PGR: variants seen among roughly 807,000 people sequenced by gnomAD.
PGR encodes nuclear receptor subfamily 3 group C member 3.
PGR carries 25 observed loss-of-function variants against 76.1 expected under a neutral mutation model. The observed-to-expected ratio is 0.33, with a 90% CI of 0.24 to 0.46. The LOEUF is 0.46. Ranked by LOEUF, PGR falls within the 20% of genes least tolerant of loss-of-function variation. The probability of loss-of-function intolerance (pLI) is 1.00; values close to 1 mark genes in which losing one functional copy is unlikely to be tolerated. For synonymous variants in PGR, 579 were observed against 535.0 expected (o/e 1.08, Z -1.14); for missense variants, 1,172 against 1,225.3 (o/e 0.96, Z 0.65).
In PGR at chr11:101,033,880, T is replaced by C. The variant is rs1326022550; in HGVS notation, c.*5236A>G. Reference sequence around the variant, plus strand: ...TTTAGAATAATTTATATCTGATAAATTGAATACATCAGGATTTGATGTATT... The same window carrying C: ...TTTAGAATAATTTATATCTGATAAACTGAATACATCAGGATTTGATGTATT... On this transcript the variant is annotated 3_prime_UTR_variant, in exon 8 of 8. Coordinates refer to ENST00000325455, the MANE Select transcript of PGR (RefSeq NM_000926.4). 4.7e-6 allele frequency: 1 copy of C among 213,682 alleles called. No individual in the cohort carries two copies. The highest frequency in any genetic ancestry group is 2.3e-5 in the African/African-American group (1 of 44,382). The allele number at this position is 213,682 out of a possible 1,614,324, so 13.2% of individuals were successfully genotyped here. A position where few individuals can be genotyped will look rare whatever the true frequency, so the allele number is the denominator to read the frequency against.
intron 3 of PGR, among the ~76,000 whole-genome samples, chr11:101,083,236 A>T (rs1332975951): frequency 6.6e-6 from 1 of 152,226 alleles, no homozygotes; most frequent in Non-Finnish European, 1.5e-5. Context: ...AGAAGGCAAG[A>T]GTTGAGGTTT....
intron 3 of PGR, among the ~76,000 whole-genome samples, chr11:101,081,859 C>T (rs529785726): frequency 6.6e-6 from 1 of 152,268 alleles, no homozygotes; most frequent in Non-Finnish European, 1.5e-5. Flanking sequence ...ATAGAAACAA[C>T]AAAGCAAACA....
chr11:101,062,731 T>C lies in PGR; in HGVS notation c.1928A>G (p.Asn643Ser), dbSNP rs1565339096. 3.1e-6 allele frequency: 5 copies of C among 1,612,162 alleles called. No individual in the cohort carries two copies. Among genetic ancestry groups the C allele is most frequent in the Non-Finnish European group, 3.4e-6 (4 of 1,179,536 alleles). Reference sequence around the variant, plus strand: ...CAGTGCTCTCACAACTCTGACTTTATTGAACTTTTTAAATTTTCGACCTAC... The same window carrying C: ...CAGTGCTCTCACAACTCTGACTTTACTGAACTTTTTAAATTTTCGACCTAC... ...VLGGRKFKKFNKVRVVRALDA... is the reference protein window; with the variant it reads ...VLGGRKFKKFSKVRVVRALDA... Residue 643 changes from asparagine (N) to serine (S), a missense_variant, in exon 4 of 8, where the codon AAT becomes AGT. Transcript: ENST00000325455.
intron 6 of PGR, among the ~76,000 whole-genome samples, chr11:101,042,594 T>A (rs531771960): frequency 1.3e-5 from 2 of 152,288 alleles, no homozygotes; most frequent in South Asian, 2.1e-4. Flanking sequence ...GTTGTAATTT[T>A]AAAAATTGCT....
At chr11:101,040,366 C>T (rs961176305) in intron 7 of PGR, among the ~76,000 whole-genome samples, 10 of 151,984 alleles carry the variant, frequency 6.6e-5, no homozygotes, top group African/African-American at 2.4e-4. Flanking sequence ...CACTTTGCAT[C>T]TCTGTTGGGG....
intron 2 of PGR, among the ~76,000 whole-genome samples, chr11:101,095,530 C>T (rs1445887139): frequency 2.6e-5 from 4 of 152,198 alleles, no homozygotes; most frequent in Non-Finnish European, 5.9e-5. Context: ...ACAGAGTTAA[C>T]TGAGGCATCT....
chr11:101,110,815 G>T (rs927827286), intron 2 of PGR, among the ~76,000 whole-genome samples: 9 of 152,222 alleles, frequency 5.9e-5, no homozygotes, highest in East Asian at 3.9e-4. Context: ...CTTATTTAAA[G>T]AAATTGCCAC....
At chr11:101,110,600 C>T (rs58018759) in intron 2 of PGR, among the ~76,000 whole-genome samples, 3,074 of 152,200 alleles carry the variant, frequency 0.02, 82 homozygotes, top group African/African-American at 0.057. Flanking sequence ...CTGGTGAAGA[C>T]GCTGTGAGCA....
chr11:101,077,615 T>C (rs1404986019), intron 3 of PGR, among the ~76,000 whole-genome samples: 1 of 152,170 alleles, frequency 6.6e-6, no homozygotes, highest in Non-Finnish European at 1.5e-5. Context: ...ACTGAAAAGT[T>C]CTAGTTGGCA....
At chr11:101,123,873 C>A (rs1336914823) in intron 2 of PGR, among the ~76,000 whole-genome samples, 1 of 152,186 alleles carries the variant, frequency 6.6e-6, no homozygotes, top group Non-Finnish European at 1.5e-5. Flanking sequence ...AACTATATTA[C>A]AAGTTCCTTG....
Position 101,127,851 on chromosome 11 carries a change from G to C in PGR, c.1220C>G (p.Ala407Gly), listed in dbSNP as rs1862920900. Residue 407 changes from alanine to glycine, a missense_variant, in exon 1 of 8, where the codon GCC (alanine) becomes GGC (glycine). Transcript: ENST00000325455. ...SARSPRSYLV[A>G]GANPAAFPDF... Reference sequence around the variant, plus strand: ...CGGGAAGGCTGCGGGGTTGGCACCGGCCACAAGGTAGGAACGCGGGGAGCG... The same window carrying C: ...CGGGAAGGCTGCGGGGTTGGCACCGCCCACAAGGTAGGAACGCGGGGAGCG... 2 of 1,591,790 alleles carry C rather than the reference G, an allele frequency of 1.3e-6. No individual in the cohort carries two copies. The highest frequency in any genetic ancestry group is 1.3e-5 in the African/African-American group (1 of 74,728).
chr11:101,123,358 C>T (rs1053082972), intron 2 of PGR, among the ~76,000 whole-genome samples: 4 of 152,166 alleles, frequency 2.6e-5, no homozygotes, highest in Admixed American at 6.5e-5. Context: ...CCACACACAG[C>T]GCCACCTTGA....
chr11:101,099,584 A>G (rs1861935465), intron 2 of PGR, among the ~76,000 whole-genome samples: 3 of 152,204 alleles, frequency 2.0e-5, no homozygotes, highest in Non-Finnish European at 1.5e-5. Flanking sequence ...AGCTAAGAGG[A>G]CAACCTAGAG....
Position 101,107,445 on chromosome 11 carries a change from T to C in PGR, c.1790-15569A>G, listed in dbSNP as rs188136234. On this transcript the variant is annotated intron_variant, in intron 2 of 7. Coordinates refer to ENST00000325455, the MANE Select transcript of PGR (RefSeq NM_000926.4). ...ATTGTATGAAGTACTTAGTTATAAT[T>C]GACATCCATAATAACATAGTTAGCT... Among the ~76,000 whole-genome samples, 16 of 152,292 alleles carry C rather than the reference T, an allele frequency of 1.1e-4. No homozygotes were observed. The East Asian group carries it at 2.7e-3, about 26-fold the overall frequency.
rs942057693 is a variant in PGR, at chr11:101,039,034, T to C, written c.*82A>G. On this transcript the variant is annotated 3_prime_UTR_variant, in exon 8 of 8. Transcript: ENST00000325455. ...ATGTAAGGCTTTCAGAAGAACATTA[T>C]AAAAACTCAAGACCTCATAATCCTG... is the stretch of plus-strand genomic sequence containing the variant. 9.5e-7 allele frequency: 1 copy of C among 1,049,800 alleles called. No individual in the cohort carries two copies. The highest frequency in any genetic ancestry group is 1.5e-6 in the Non-Finnish European group (1 of 688,110). 65.0% of individuals were successfully genotyped at this position (1,049,800 alleles called of 1,614,324 possible).
At position 101,127,420 on chromosome 11, in the gene PGR, T is replaced by A; in HGVS notation, c.1637+14A>T. On this transcript the variant is annotated intron_variant, in intron 1 of 7. Transcript: ENST00000325455. ...TCCCGGACGCGCTGGGCGTGCCCCG[T>A]CCCGGGCCCTCACCTCAGGTAGTTG... 6.5e-7 allele frequency: 1 copy of A among 1,529,734 alleles called. No individual in the cohort carries two copies. Among genetic ancestry groups the A allele is most frequent in the Non-Finnish European group, 8.8e-7 (1 of 1,138,206 alleles). The allele number at this position is 1,529,734 out of a possible 1,614,324, so 94.8% of individuals were successfully genotyped here.
intron 3 of PGR, among the ~76,000 whole-genome samples, chr11:101,071,174 A>C (rs1227245641): frequency 6.6e-6 from 1 of 152,176 alleles, no homozygotes; most frequent in African/African-American, 2.4e-5. Flanking sequence ...AGTGATACCC[A>C]GGCAAACAGG....
intron 3 of PGR, among the ~76,000 whole-genome samples, chr11:101,086,476 C>A (rs1013033849): frequency 6.6e-6 from 1 of 152,076 alleles, no homozygotes; most frequent in African/African-American, 2.4e-5. Context: ...AAACTCACAA[C>A]CAATATCAGA....
At chr11:101,053,839 T>G (rs924245382) in intron 4 of PGR, among the ~76,000 whole-genome samples, 3 of 151,884 alleles carry the variant, frequency 2.0e-5, no homozygotes, top group African/African-American at 7.3e-5. Context: ...CCTTTCTCTG[T>G]GTGGGCAGAG....
Sources: allele counts gnomAD v4.1 joint callset (sites outside exome capture counted in the v4.1 genomes callset), GRCh38; gene constraint gnomAD v4.1.1; transcripts MANE v1.5; gene names NCBI Gene and HGNC (gene_info 2026-07-23, HGNC 2026-07-21).